NT5DC4: variants seen among roughly 807,000 people sequenced by gnomAD.
NT5DC4 encodes the protein 5'-nucleotidase domain-containing protein 4.
NT5DC4 carries 44 observed loss-of-function variants against 26.6 expected under a neutral mutation model. That is an observed-to-expected ratio of 1.65 (90% CI 1.30 to 2.13). NT5DC4 has a LOEUF of 2.13. NT5DC4 is among the 30% of genes most tolerant of loss of function. The pLI is 0.00. For synonymous variants in NT5DC4, 157 were observed against 86.7 expected (o/e 1.81, Z -4.51); for missense variants, 399 against 228.1 (o/e 1.75, Z -4.83).
rs556514061 is a variant in NT5DC4 at position 112,722,732 on chromosome 2, G to C, written c.488G>C (p.Cys163Ser). 1.4e-6 allele frequency: 1 copy of C among 717,730 alleles called. No individual in the cohort carries two copies. Among genetic ancestry groups the C allele is most frequent in the East Asian group, 2.7e-5 (1 of 37,270 alleles). The allele number at this position is 717,730 out of a possible 1,614,324, so 44.5% of individuals were successfully genotyped here. A position where few individuals can be genotyped will look rare whatever the true frequency, so the allele number is the denominator to read the frequency against. ...CCCCCAGAAACCTACCTCTATGCCT[G>C]CTTGGTGGACTTCTTCTCTGGCTGC... ...FNLPETYLYA[C>S]LVDFFSGCSR... Residue 163 changes from cysteine to serine, a missense_variant, in exon 6 of 17, where the codon TGC becomes TCC. Coordinates refer to ENST00000688554, the MANE Select transcript of NT5DC4 (RefSeq NM_001393655.1).
chr2:112,738,100 A>C (rs974977477), intron 16 of NT5DC4: 5 of 152,230 alleles, frequency 3.3e-5, no homozygotes, highest in Non-Finnish European at 7.3e-5. Flanking sequence ...AGAACTGAAG[A>C]AGCAAGTGTC....
chr2:112,720,944 G>T (rs1676813113), upstream of NT5DC4, among the ~76,000 whole-genome samples: 1 of 152,246 alleles, frequency 6.6e-6, no homozygotes. Context: ...GCTCGGGGGA[G>T]ATGGGAGCAC....
At position 112,721,602 on chromosome 2, in the gene NT5DC4, A is replaced by T. The variant is rs1045566135; in HGVS notation, c.75-216A>T. 186 of 717,294 alleles carry T rather than the reference A, an allele frequency of 2.6e-4. 1 individual carries two copies. Among genetic ancestry groups the T allele is most frequent in the Non-Finnish European group, 4.4e-5 (17 of 385,150 alleles). The allele number at this position is 717,294 out of a possible 1,614,324, so 44.4% of individuals were successfully genotyped here. A position where few individuals can be genotyped will look rare whatever the true frequency, so the allele number is the denominator to read the frequency against. On this transcript the variant is annotated intron_variant, in intron 1 of 16. Transcript: ENST00000688554. ...CACACTCAGATGCACGCTTGCACAC[A>T]TGCTCACACATGCTTACATGCACAC...
Position 112,723,716 on chromosome 2 carries a change from C to T in NT5DC4, c.673-3C>T. 2 of 717,050 alleles carry T rather than the reference C, an allele frequency of 2.8e-6. No homozygotes were observed. Among genetic ancestry groups the T allele is most frequent in the Non-Finnish European group, 5.2e-6 (2 of 384,960 alleles). The allele number at this position is 717,050 out of a possible 1,614,324, so 44.4% of individuals were successfully genotyped here. On this transcript the variant is annotated splice_polypyrimidine_tract_variant and splice_region_variant and intron_variant, in intron 8 of 16. Transcript: ENST00000688554. ...CCTGCAAGTCCCTCTATCTCTGCCC[C>T]AGCCACGCCTCCCCATCCTGCTGGG...
downstream of NT5DC4, among the ~76,000 whole-genome samples, chr2:112,739,542 A>G (rs189688939): frequency 6.9e-4 from 105 of 152,342 alleles, no homozygotes; most frequent in African/African-American, 2.4e-3. Flanking sequence ...TTGAAGTCAA[A>G]TATTTGGCAG....
chr2:112,719,825 C>T (rs867531378), upstream of NT5DC4, among the ~76,000 whole-genome samples: 44 of 106,236 alleles, frequency 4.1e-4, 1 homozygote, highest in Middle Eastern at 0.04. Flanking sequence ...CCTTTCCTTT[C>T]CCTTCCTTCC....
At chr2:112,728,030 C>T (rs375011470) in intron 15 of NT5DC4, among the ~76,000 whole-genome samples, 19 of 152,356 alleles carry the variant, frequency 1.2e-4, no homozygotes, top group African/African-American at 4.3e-4. Flanking sequence ...CCTAGAAGGA[C>T]CCACTGGTCC....
upstream of NT5DC4, among the ~76,000 whole-genome samples, chr2:112,719,695 A>G (rs1237168686): frequency 1.3e-5 from 2 of 151,708 alleles, no homozygotes; most frequent in African/African-American, 2.4e-5. Flanking sequence ...CGTGCTGGCC[A>G]GGCTTGTCTC....
chr2:112,728,511 C>T (rs1193417815), intron 15 of NT5DC4, among the ~76,000 whole-genome samples: 1 of 152,110 alleles, frequency 6.6e-6, no homozygotes, highest in Non-Finnish European at 1.5e-5. Flanking sequence ...ACGTGTCAGT[C>T]CTCCCAAGTT....
At chr2:112,719,910 TTCTTTCTTTCTTTC>T (rs1332525933), upstream of NT5DC4, among the ~76,000 whole-genome samples, 160 of 113,462 alleles carry the variant, frequency 1.4e-3, 3 homozygotes, top group African/African-American at 6.2e-3. Context: ...TTCTTTTTCT[TTCTTTCTTTCTTTC>T]TCTTTCTTTC....
chr2:112,733,465 T>C (rs1200947182), intron 16 of NT5DC4, among the ~76,000 whole-genome samples: 1 of 152,228 alleles, frequency 6.6e-6, no homozygotes, highest in Admixed American at 6.5e-5. Flanking sequence ...GACCAAGTTC[T>C]GGCCCCTAAA....
intron 16 of NT5DC4, among the ~76,000 whole-genome samples, chr2:112,733,235 T>C (rs1678687037): frequency 7.7e-6 from 1 of 130,040 alleles, no homozygotes; most frequent in South Asian, 2.8e-4. Context: ...GTAGGACAGA[T>C]ACTTCTATTT....
In NT5DC4 at chr2:112,724,080, C is replaced by T. The variant is rs772548527; in HGVS notation, c.757-14C>T. ...CCCAAGCTTGGTGCCCTGACGCTGC[C>T]TTGTCCTTGCCAGGCCATCATGACC... is the stretch of plus-strand genomic sequence containing the variant. On this transcript the variant is annotated splice_polypyrimidine_tract_variant and intron_variant, in intron 9 of 16. Transcript: ENST00000688554. 8.4e-6 allele frequency: 6 copies of T among 717,112 alleles called. No homozygotes were observed. Among genetic ancestry groups the T allele is most frequent in the South Asian group, 1.5e-5 (1 of 67,594 alleles). The allele number at this position is 717,112 out of a possible 1,614,324, so 44.4% of individuals were successfully genotyped here. A position where few individuals can be genotyped will look rare whatever the true frequency, so the allele number is the denominator to read the frequency against.
At chr2:112,742,534 T>C, downstream of NT5DC4, 1 of 711,310 alleles carries the variant, frequency 1.4e-6, no homozygotes, top group Non-Finnish European at 2.6e-6. Context: ...CATTTACTTG[T>C]AATAATACAA....
In NT5DC4 at chr2:112,723,332, T is replaced by A. The variant is rs574069807; in HGVS notation, c.622-86T>A. On this transcript the variant is annotated intron_variant, in intron 7 of 16. Coordinates refer to ENST00000688554, the MANE Select transcript of NT5DC4 (RefSeq NM_001393655.1). ...CCAGAGCCGCCCACTTTTCTCATCT[T>A]GGACACAGACATGTGGGTGGGTACA... is the stretch of plus-strand genomic sequence containing the variant. 3.3e-4 allele frequency: 231 copies of A among 696,488 alleles called. 2 individuals carry two copies. Among genetic ancestry groups the A allele is most frequent in the South Asian group, 2.8e-3 (184 of 64,906 alleles). 43.1% of individuals were successfully genotyped at this position (696,488 alleles called of 1,614,324 possible).
upstream of NT5DC4, among the ~76,000 whole-genome samples, chr2:112,719,952 T>TTC (rs1178960775): frequency 2.0e-4 from 25 of 124,126 alleles, no homozygotes; most frequent in African/African-American, 8.0e-4. Flanking sequence ...CTTTCTTTCT[T>TTC]TCTTTCTTTC....
intron 16 of NT5DC4, chr2:112,731,502 C>G (rs985209534): frequency 2.0e-5 from 3 of 152,328 alleles, no homozygotes; most frequent in African/African-American, 7.2e-5. Flanking sequence ...TATTGCCTCA[C>G]TAACTGCTCT....
rs549864511 is a variant in NT5DC4, at chr2:112,732,134, T to C, written c.1344+2430T>C. Among the ~76,000 whole-genome samples, 871 of 152,120 alleles carry C rather than the reference T, an allele frequency of 5.7e-3. 7 individuals carry two copies. Among genetic ancestry groups the C allele is most frequent in the African/African-American group, 0.02 (829 of 41,526 alleles). ...CCATGTTGGCCAGGCTGGTCTCAAA[T>C]TCCTGACCTCAAGTGATCCGCCTGC... On this transcript the variant is annotated intron_variant, in intron 16 of 16. Transcript: ENST00000688554.
At chr2:112,719,730 C>T (rs894804519), upstream of NT5DC4, among the ~76,000 whole-genome samples, 6 of 151,924 alleles carry the variant, frequency 3.9e-5, no homozygotes, top group South Asian at 4.2e-4. Flanking sequence ...GTGATCTGCC[C>T]GCCTTGGCCT....
Sources: allele counts gnomAD v4.1 joint callset (sites outside exome capture counted in the v4.1 genomes callset), GRCh38; gene constraint gnomAD v4.1.1; transcripts MANE v1.5; gene names NCBI Gene and HGNC (gene_info 2026-07-23, HGNC 2026-07-21).